TRAFD1: variants seen among roughly 807,000 people sequenced by gnomAD.
The protein encoded by TRAFD1 is TRAF-type zinc finger domain containing 1.
TRAFD1 carries 38 observed loss-of-function variants against 65.3 expected under a neutral mutation model. That is an observed-to-expected ratio of 0.58 (90% CI 0.45 to 0.76). TRAFD1 has a LOEUF of 0.76. Among genes scored for constraint, TRAFD1 ranks in the 30% least tolerant of loss-of-function variants. The pLI is 0.00. For missense variants in TRAFD1, 631 were observed against 712.6 expected (o/e 0.89, Z 1.30); for synonymous variants, 223 against 257.2 (o/e 0.87, Z 1.27).
intron 6 of TRAFD1, 62 bp downstream of exon 6, chr12:112,142,357 C>T: frequency 6.7e-7 from 1 of 1,500,032 alleles, no homozygotes; most frequent in Non-Finnish European, 9.1e-7. Flanking sequence ...TTAGGTTATA[C>T]AATTCTTATA....
At chr12:112,142,385 T>C (rs2030118999) in intron 6 of TRAFD1, 90 bp downstream of exon 6, 44 of 1,422,684 alleles carry the variant, frequency 3.1e-5, no homozygotes, top group Non-Finnish European at 3.9e-5. Flanking sequence ...AAGATTTTAA[T>C]GAAATAGAAT....
intron 1 of TRAFD1, among the ~76,000 whole-genome samples, chr12:112,127,757 G>A (rs1304187379): frequency 6.6e-6 from 1 of 150,932 alleles, no homozygotes. Context: ...GCTCTTTTTA[G>A]TAGAGACTGG....
chr12:112,130,521 A>C lies in TRAFD1; in HGVS notation c.-2A>C. ...CTTTGTGGTTTTCAGGAAGAGCTAA[A>C]GATGGCTGAATTTCTAGATGACCAG... On this transcript the variant is annotated 5_prime_UTR_variant, in exon 2 of 12. Transcript: ENST00000412615. This position sits in a 1 kb window ranked among gnomAD's most constrained non-coding sequence, Gnocchi z 4.4. 1 of 1,613,220 alleles carries C rather than the reference A, an allele frequency of 6.2e-7. No individual in the cohort carries two copies. The highest frequency in any genetic ancestry group is 8.5e-7 in the Non-Finnish European group (1 of 1,179,498).
Position 112,151,854 on chromosome 12 carries a change from C to A in TRAFD1, c.1333C>A (p.Pro445Thr), listed in dbSNP as rs896090297. 5 of 1,614,186 alleles carry A rather than the reference C, an allele frequency of 3.1e-6. No individual in the cohort carries two copies. The African/African-American group carries it at 4.0e-5, about 13-fold the overall frequency. ...TACTAAGCAGGAAACAGCTAATGGGCCCACCTCCTGTCTGCCTCCCAGCCG... is the reference window on the plus strand; with the variant it reads ...TACTAAGCAGGAAACAGCTAATGGGACCACCTCCTGTCTGCCTCCCAGCCG... Reference protein sequence around the residue: ...DDTKQETANGPTSCLPPSRPI... With the variant: ...DDTKQETANGTTSCLPPSRPI... The change falls in exon 10 of 12, where the codon CCC (proline) becomes ACC (threonine). Residue 445 changes from proline to threonine, a missense_variant. By Grantham distance (38) the Pro-to-Thr change is conservative. Transcript: ENST00000412615.
At chr12:112,147,964 C>A in intron 7 of TRAFD1, 110 bp from the exon 8 acceptor site, 3 of 1,066,322 alleles carry the variant, frequency 2.8e-6, no homozygotes, top group Non-Finnish European at 4.0e-6. Context: ...CCACCGCGCC[C>A]GGCCAAGCAT....
rs75003923 is a variant in TRAFD1, at chr12:112,135,052, T to A, written c.223T>A (p.Leu75Ile). The change falls in exon 4 of 12, where the codon TTA becomes ATA. Residue 75 changes from leucine (L) to isoleucine (I), a missense_variant. Transcript: ENST00000412615. ...KCNKKLEKRL[L>I]KKHEETECPL... ...TAACAAGAAGTTGGAGAAGAGGCTGTTAAAGAAGCATGAGGTTAGTCCATG... is the reference window on the plus strand; with the variant it reads ...TAACAAGAAGTTGGAGAAGAGGCTGATAAAGAAGCATGAGGTTAGTCCATG... The A allele has an allele frequency of 2.5e-6, 4 of 1,614,112 alleles. No individual in the cohort carries two copies. The African/African-American group carries it at 5.3e-5, about 22-fold the overall frequency.
At position 112,147,702 on chromosome 12, in the gene TRAFD1, C is replaced by T. The variant is rs192521557; in HGVS notation, c.928-372C>T. 5.4e-3 allele frequency among the ~76,000 whole-genome samples: 797 copies of T among 148,412 alleles called. 4 individuals carry two copies. The highest frequency in any genetic ancestry group is 7.3e-3 in the Non-Finnish European group (489 of 67,394). ...TTTTTTTTTTTTTGAGACGGAGTCT[C>T]GCTCTGTGACCCAGGCTGGAGTGCA... On this transcript the variant is annotated intron_variant, in intron 7 of 11. Coordinates refer to ENST00000412615, the MANE Select transcript of TRAFD1 (RefSeq NM_006700.3).
intron 7 of TRAFD1, among the ~76,000 whole-genome samples, chr12:112,146,880 T>C (rs1211580845): frequency 1.3e-5 from 2 of 152,138 alleles, no homozygotes; most frequent in African/African-American, 2.4e-5. Context: ...ATACTTGGTA[T>C]CTGAAAAGGT....
At chr12:112,147,229 C>A (rs1352255584) in intron 7 of TRAFD1, among the ~76,000 whole-genome samples, 1 of 151,912 alleles carries the variant, frequency 6.6e-6, no homozygotes, top group Non-Finnish European at 1.5e-5. Flanking sequence ...AAACTCCTAA[C>A]CTCGTGACCT....
rs2030430387 is a variant in TRAFD1 at position 112,152,271 on chromosome 12, C to A, written c.1619+131C>A. 1 of 1,409,566 alleles carries A rather than the reference C, an allele frequency of 7.1e-7. No individual in the cohort carries two copies. Among genetic ancestry groups the A allele is most frequent in the Non-Finnish European group, 9.7e-7 (1 of 1,034,396 alleles). The allele number at this position is 1,409,566 out of a possible 1,614,324, so 87.3% of individuals were successfully genotyped here. On this transcript the variant is annotated intron_variant, in intron 10 of 11. Transcript: ENST00000412615. This position sits in a 1 kb window ranked among gnomAD's most constrained non-coding sequence, Gnocchi z 5.0. ...TGGTAAGGGGAGGAGTATGGATTTT[C>A]CCTGTATTGTCACCTGACTCCAAAA...
At chr12:112,132,469 ATTATT>A (rs1566047224) in intron 2 of TRAFD1, among the ~76,000 whole-genome samples, 1 of 152,228 alleles carries the variant, frequency 6.6e-6, no homozygotes, top group African/African-American at 2.4e-5. Flanking sequence ...GTTGGGATGT[ATTATT>A]TTAACTAAAT....
Position 112,130,839 on chromosome 12 carries a change from T to C in TRAFD1, c.47+270T>C, listed in dbSNP as rs7299227. On this transcript the variant is annotated intron_variant, in intron 2 of 11. Transcript: ENST00000412615. This position sits in a 1 kb window ranked among gnomAD's most constrained non-coding sequence, Gnocchi z 4.4. Reference sequence around the variant, plus strand: ...CTTGGTGCTATACAAGTGCTGTTACTGTAAGCTGACAAAAAAAGCAAAGCA... The same window carrying C: ...CTTGGTGCTATACAAGTGCTGTTACCGTAAGCTGACAAAAAAAGCAAAGCA... Among the ~76,000 whole-genome samples the C allele has an allele frequency of 1.3e-5, 2 of 152,208 alleles. No homozygotes were observed. Among genetic ancestry groups the C allele is most frequent in the Non-Finnish European group, 2.9e-5 (2 of 68,038 alleles).
In TRAFD1 at chr12:112,140,895, A is replaced by G. The variant is rs769552037; in HGVS notation, c.314A>G (p.His105Arg). ...LELSILKLKE[H>R]EDYCGARTEL... Reference sequence around the variant, plus strand: ...CTTTCCATTCTCAAACTGAAGGAACATGAAGATTATTGTGGTGCCCGGACG... The same window carrying G: ...CTTTCCATTCTCAAACTGAAGGAACGTGAAGATTATTGTGGTGCCCGGACG... The change falls in exon 5 of 12, where the codon CAT becomes CGT. Residue 105 changes from histidine (H) to arginine (R), a missense_variant. By Grantham distance (29) the His-to-Arg change is conservative. Transcript: ENST00000412615. 1 of 1,614,220 alleles carries G rather than the reference A, an allele frequency of 6.2e-7. No homozygotes were observed. Among genetic ancestry groups the G allele is most frequent in the Non-Finnish European group, 8.5e-7 (1 of 1,180,046 alleles).
chr12:112,152,855 C>T lies in TRAFD1; in HGVS notation c.*64C>T. The T allele has an allele frequency of 6.3e-7, 1 of 1,576,424 alleles. No individual in the cohort carries two copies. The highest frequency in any genetic ancestry group is 2.2e-5 in the East Asian group (1 of 44,600). ...GTGCACAGCAGCACTTGCCGCTGTG[C>T]AGGCCCACCTCTTTGGCTCTTTGGG... is the stretch of plus-strand genomic sequence containing the variant. On this transcript the variant is annotated 3_prime_UTR_variant, in exon 12 of 12. Coordinates refer to ENST00000412615, the MANE Select transcript of TRAFD1 (RefSeq NM_006700.3). The surrounding 1 kb of genome is among the most constrained non-coding windows in gnomAD (Gnocchi z 5.0).
At chr12:112,148,378 C>A in intron 8 of TRAFD1, 74 bp downstream of exon 8, 1 of 1,315,560 alleles carries the variant, frequency 7.6e-7, no homozygotes, top group Non-Finnish European at 1.1e-6. Context: ...AGAACACTTC[C>A]TTAGCCTTTA....
intron 4 of TRAFD1, among the ~76,000 whole-genome samples, chr12:112,139,122 G>A (rs2030010822): frequency 6.6e-6 from 1 of 152,108 alleles, no homozygotes; most frequent in Non-Finnish European, 1.5e-5. Context: ...AGGACTGCTT[G>A]AGCCTAGGAG....
chr12:112,131,813 C>A (rs1279228771), intron 2 of TRAFD1, among the ~76,000 whole-genome samples: 1 of 152,178 alleles, frequency 6.6e-6, no homozygotes, highest in African/African-American at 2.4e-5. Flanking sequence ...ACCCAGCAGG[C>A]AACTGTTTTA....
chr12:112,142,294 G>C lies in TRAFD1; in HGVS notation c.849G>C (p.Lys283Asn). The change falls in exon 6 of 12, where the codon AAG (lysine) becomes AAC (asparagine). Residue 283 changes from lysine to asparagine, a missense_variant and splice_region_variant. Physicochemically the swap from Lys to Asn is moderately conservative, Grantham distance 94. Coordinates refer to ENST00000412615, the MANE Select transcript of TRAFD1 (RefSeq NM_006700.3). ...GTCCCAGGTCTCTCAGTGACATAAAGGGTAGGCTTGCTTATTCTGCACTAG... is the reference window on the plus strand; with the variant it reads ...GTCCCAGGTCTCTCAGTGACATAAACGGTAGGCTTGCTTATTCTGCACTAG... ...HGGPRSLSDI[K>N]GAADEIMLPC... The C allele has an allele frequency of 6.2e-7, 1 of 1,611,576 alleles. No individual in the cohort carries two copies. The highest frequency in any genetic ancestry group is 8.5e-7 in the Non-Finnish European group (1 of 1,177,890).
intron 9 of TRAFD1, among the ~76,000 whole-genome samples, chr12:112,151,226 A>C (rs1381072643): frequency 6.6e-6 from 1 of 152,078 alleles, no homozygotes; most frequent in Non-Finnish European, 1.5e-5. Flanking sequence ...CGACAGAGCA[A>C]GACTCCATCT....
Sources: gnomAD v4.1 joint callset for allele counts (sites outside exome capture counted in the v4.1 genomes callset) on GRCh38, gnomAD v4.1.1 for gene constraint, Gnocchi (gnomAD v3.1) non-coding constraint, MANE v1.5 for transcripts, NCBI Gene and HGNC (gene_info 2026-07-23, HGNC 2026-07-21) for gene names.